GPR39: variants seen among roughly 807,000 people sequenced by gnomAD.
GPR39 encodes the protein G protein-coupled receptor 39.
A neutral mutation model predicts 18.4 loss-of-function variants in GPR39; 23 were observed. That is an observed-to-expected ratio of 1.25 (90% CI 0.90 to 1.77). The LOEUF (loss-of-function observed/expected upper bound fraction) is 1.77, where lower values mean the gene tolerates loss of function less well. GPR39 is among the 40% of genes most tolerant of loss of function. GPR39 has a pLI of 0.00. For synonymous variants in GPR39, 280 were observed against 257.9 expected (o/e 1.09, Z -0.82); for missense variants, 647 against 602.4 (o/e 1.07, Z -0.78).
At chr2:132,533,580 A>G (rs1472559483) in intron 1 of GPR39, among the ~76,000 whole-genome samples, 2 of 152,010 alleles carry the variant, frequency 1.3e-5, no homozygotes, top group East Asian at 3.9e-4. Context: ...GCATCCCACT[A>G]CCTGACTTCA....
At chr2:132,578,312 A>G (rs553199586) in intron 1 of GPR39, among the ~76,000 whole-genome samples, 1 of 152,262 alleles carries the variant, frequency 6.6e-6, no homozygotes, top group Admixed American at 6.5e-5. Flanking sequence ...AACTTTATAT[A>G]CACAATCCAC....
At chr2:132,554,483 A>C (rs10460244) in intron 1 of GPR39, among the ~76,000 whole-genome samples, 18,860 of 152,184 alleles carry the variant, frequency 0.12, 1,963 homozygotes, top group East Asian at 0.54. Flanking sequence ...GGAATGAATG[A>C]GGGGATTTAT....
At chr2:132,510,381 A>T (rs1269402763) in intron 1 of GPR39, among the ~76,000 whole-genome samples, 1 of 151,976 alleles carries the variant, frequency 6.6e-6, no homozygotes, top group Non-Finnish European at 1.5e-5. Context: ...AGTCTCATCT[A>T]CTCATGCCCC....
intron 1 of GPR39, chr2:132,604,840 G>A (rs1415963391): frequency 6.6e-6 from 1 of 152,256 alleles, no homozygotes; most frequent in Non-Finnish European, 1.5e-5. Flanking sequence ...AAAAATGCAT[G>A]GTGCTTGGAA....
intron 1 of GPR39, among the ~76,000 whole-genome samples, chr2:132,602,362 C>G (rs563561151): frequency 1.3e-5 from 2 of 152,228 alleles, no homozygotes; most frequent in South Asian, 4.1e-4. Flanking sequence ...AGGCTCTTAT[C>G]TCCTACCATA....
At chr2:132,502,973 C>T (rs2104751894) in intron 1 of GPR39, among the ~76,000 whole-genome samples, 2 of 152,122 alleles carry the variant, frequency 1.3e-5, no homozygotes, top group South Asian at 4.2e-4. Context: ...CTTTCACATC[C>T]TGTATCATGT....
intron 1 of GPR39, among the ~76,000 whole-genome samples, chr2:132,421,943 G>A (rs1263440381): frequency 1.3e-5 from 2 of 152,138 alleles, no homozygotes; most frequent in African/African-American, 4.8e-5. Context: ...TTAAAGTGGG[G>A]TTGAAAACAT....
chr2:132,636,345 C>G (rs548222174), intron 1 of GPR39, among the ~76,000 whole-genome samples: 1 of 152,302 alleles, frequency 6.6e-6, no homozygotes, highest in Admixed American at 6.5e-5. Context: ...CTAGCCACTC[C>G]TCTGCCTCAG....
intron 1 of GPR39, among the ~76,000 whole-genome samples, chr2:132,562,402 C>T (rs1019594672): frequency 4.6e-5 from 7 of 152,060 alleles, no homozygotes; most frequent in Non-Finnish European, 1.0e-4. Context: ...CATGATTGGC[C>T]CTGCCTAATT....
chr2:132,424,758 A>C (rs1041647094), intron 1 of GPR39, among the ~76,000 whole-genome samples: 2 of 152,178 alleles, frequency 1.3e-5, no homozygotes, highest in Non-Finnish European at 2.9e-5. Context: ...ATTTGGGTCA[A>C]AGTACAGGCC....
chr2:132,492,008 TATATATACACAGCAC>T (rs1459304644), intron 1 of GPR39, among the ~76,000 whole-genome samples: 1 of 151,388 alleles, frequency 6.6e-6, no homozygotes, highest in African/African-American at 2.4e-5. Flanking sequence ...AGTAATTATA[TATATATACACAGCAC>T]ATATATATAC....
At chr2:132,608,155 G>C (rs965421970) in intron 1 of GPR39, among the ~76,000 whole-genome samples, 1 of 152,180 alleles carries the variant, frequency 6.6e-6, no homozygotes. Flanking sequence ...TGATGCATTT[G>C]ATCAGTTTGA....
intron 1 of GPR39, among the ~76,000 whole-genome samples, chr2:132,588,554 G>A (rs1283694947): frequency 6.6e-6 from 1 of 152,180 alleles, no homozygotes; most frequent in African/African-American, 2.4e-5. Context: ...CTCTGTGTGT[G>A]GGGCCTGGGC....
chr2:132,417,830 C>G lies in GPR39; in HGVS notation c.788C>G (p.Pro263Arg). 1 of 1,613,594 alleles carries G rather than the reference C, an allele frequency of 6.2e-7. No individual in the cohort carries two copies. The highest frequency in any genetic ancestry group is 8.5e-7 in the Non-Finnish European group (1 of 1,180,024). ...GGCTCGCTGGCCGGGGGCACGCGGC[C>G]TCCGCAGCTGAGGAAGTCCGAGAGC... ...QKGSLAGGTR[P>R]PQLRKSESEE... The change falls in exon 1 of 2, where the codon CCT (proline) becomes CGT (arginine). Residue 263 changes from proline (P) to arginine (R), a missense_variant. Physicochemically the swap from Pro to Arg is moderately radical, Grantham distance 103. Transcript: ENST00000329321.
intron 1 of GPR39, among the ~76,000 whole-genome samples, chr2:132,603,630 A>G (rs1313053647): frequency 4.6e-5 from 7 of 152,070 alleles, no homozygotes; most frequent in Non-Finnish European, 1.0e-4. Context: ...ATCACTCTGT[A>G]TCTCATAAAT....
intron 1 of GPR39, among the ~76,000 whole-genome samples, chr2:132,509,515 T>C (rs1156452629): frequency 1.3e-5 from 2 of 152,162 alleles, no homozygotes; most frequent in Non-Finnish European, 2.9e-5. Flanking sequence ...GAGCTATGAA[T>C]ACATTCAGAC....
intron 1 of GPR39, among the ~76,000 whole-genome samples, chr2:132,538,473 G>T (rs1352599580): frequency 2.0e-5 from 3 of 152,210 alleles, no homozygotes; most frequent in Non-Finnish European, 4.4e-5. Context: ...TCTCCTGTAT[G>T]AGGTGTCTGT....
At chr2:132,561,473 A>G (rs1159406028) in intron 1 of GPR39, among the ~76,000 whole-genome samples, 1 of 151,860 alleles carries the variant, frequency 6.6e-6, no homozygotes, top group Non-Finnish European at 1.5e-5. Context: ...TCGTCACCTG[A>G]CCTCTCTGCA....
intron 1 of GPR39, among the ~76,000 whole-genome samples, chr2:132,501,299 G>T (rs569348018): frequency 2.6e-5 from 4 of 151,906 alleles, no homozygotes; most frequent in Non-Finnish European, 4.4e-5. Flanking sequence ...TCAGTTCAAA[G>T]AATTTTTAAC....
Sources: gnomAD v4.1 joint callset for allele counts (sites outside exome capture counted in the v4.1 genomes callset) on GRCh38, gnomAD v4.1.1 for gene constraint, MANE v1.5 for transcripts, NCBI Gene and HGNC (gene_info 2026-07-23, HGNC 2026-07-21) for gene names.